PTPRM: variants seen among roughly 807,000 people sequenced by gnomAD.
The protein encoded by PTPRM is protein tyrosine phosphatase receptor type M, also known as receptor-type tyrosine-protein phosphatase mu.
Under a neutral mutation model 186.7 loss-of-function variants are expected in PTPRM, and 47 were observed. That is an observed-to-expected ratio of 0.25 (90% CI 0.20 to 0.32). The LOEUF is 0.32. PTPRM is among the 10% of genes least tolerant of loss of function. PTPRM has a pLI of 1.00. For synonymous variants in PTPRM, 668 were observed against 674.9 expected, an observed-to-expected ratio of 0.99 and a Z score of 0.16; for missense variants, 1,494 against 1,865.0, an observed-to-expected ratio of 0.80 and a Z score of 3.66.
intron 7 of PTPRM, among the ~76,000 whole-genome samples, chr18:7,987,341 A>C (rs1434848328): frequency 6.6e-6 from 1 of 152,228 alleles, no homozygotes; most frequent in Non-Finnish European, 1.5e-5. Flanking sequence ...AAGCTGGCTA[A>C]GCCACCAGTA....
At chr18:8,093,301 T>C (rs771434585) in intron 11 of PTPRM, among the ~76,000 whole-genome samples, 3 of 152,108 alleles carry the variant, frequency 2.0e-5, no homozygotes, top group Admixed American at 1.3e-4. Flanking sequence ...AATGAGGTGA[T>C]ATTATTTAAC....
rs577418672 is a variant in PTPRM at position 8,151,792 on chromosome 18, G to T, written c.2300+8013G>T. Reference sequence around the variant, plus strand: ...ACCCGGGGCCCTGGTGGGGTTAGGCGCCAGAGGGGATCCCCTGGTCTGTGG... The same window carrying T: ...ACCCGGGGCCCTGGTGGGGTTAGGCTCCAGAGGGGATCCCCTGGTCTGTGG... On this transcript the variant is annotated intron_variant, in intron 14 of 32. Transcript: ENST00000580170. Among the ~76,000 whole-genome samples the T allele has an allele frequency of 3.3e-4, 50 of 151,968 alleles. 1 individual carries two copies. The South Asian group carries it at 8.8e-3, about 27-fold the overall frequency.
chr18:7,860,099 G>A (rs2047292801), intron 2 of PTPRM, among the ~76,000 whole-genome samples: 1 of 151,310 alleles, frequency 6.6e-6, no homozygotes, highest in Non-Finnish European at 1.5e-5. Context: ...TTGAGACAGA[G>A]TCTCGCTGTG....
chr18:8,152,842 C>T (rs2146253369), intron 14 of PTPRM, among the ~76,000 whole-genome samples: 1 of 151,396 alleles, frequency 6.6e-6, no homozygotes, highest in East Asian at 2.0e-4. Context: ...CTCAGCCTCC[C>T]AAGTAGCTGG....
intron 2 of PTPRM, among the ~76,000 whole-genome samples, chr18:7,855,935 G>T (rs2047073307): frequency 6.6e-6 from 1 of 152,138 alleles, no homozygotes; most frequent in Admixed American, 6.6e-5. Context: ...AAAGCAGAAG[G>T]TGCCTGGGAA....
chr18:7,582,905 TA>T (rs1238433840), intron 1 of PTPRM, among the ~76,000 whole-genome samples: 1 of 152,224 alleles, frequency 6.6e-6, no homozygotes, highest in African/African-American at 2.4e-5. Flanking sequence ...ATAGCCTCAT[TA>T]AACTTGAGTT....
intron 1 of PTPRM, among the ~76,000 whole-genome samples, chr18:7,705,450 T>G (rs1406218518): frequency 6.6e-6 from 1 of 152,078 alleles, no homozygotes; most frequent in Non-Finnish European, 1.5e-5. Context: ...TAATATTGTA[T>G]AGTTTTAAAA....
At chr18:8,234,620 T>C (rs533784993) in intron 14 of PTPRM, among the ~76,000 whole-genome samples, 2 of 152,320 alleles carry the variant, frequency 1.3e-5, no homozygotes, top group African/African-American at 4.8e-5. Context: ...CAAGAGGATA[T>C]TGAAAAGTAT....
At chr18:7,652,267 G>A (rs1010860873) in intron 1 of PTPRM, among the ~76,000 whole-genome samples, 7 of 152,288 alleles carry the variant, frequency 4.6e-5, no homozygotes, top group African/African-American at 1.7e-4. Flanking sequence ...GTGCTGGAGA[G>A]GATGTAGAGA....
chr18:7,853,712 T>C (rs554115125), intron 2 of PTPRM, among the ~76,000 whole-genome samples: 56 of 152,048 alleles, frequency 3.7e-4, no homozygotes, highest in South Asian at 2.5e-3. Context: ...GGGAATAGAA[T>C]GTGAACACAA....
At chr18:7,881,561 G>A (rs1000941767) in intron 2 of PTPRM, among the ~76,000 whole-genome samples, 1 of 152,142 alleles carries the variant, frequency 6.6e-6, no homozygotes, top group Non-Finnish European at 1.5e-5. Flanking sequence ...ATTCCCCTTG[G>A]CCCTATCCGA....
In PTPRM at chr18:8,387,044, T is replaced by TC. The variant is rs781495939; in HGVS notation, c.4045-24dup. On this transcript the variant is annotated intron_variant, in intron 30 of 32. Coordinates refer to ENST00000580170, the MANE Select transcript of PTPRM (RefSeq NM_001105244.2). Reference sequence around the variant, plus strand: ...TAAATAATGCCTGTTTTCTTTCCACTCCCCGATTGTTGCCTTGTTCTTCGT... The same window carrying TC: ...TAAATAATGCCTGTTTTCTTTCCACTCCCCCGATTGTTGCCTTGTTCTTCGT... 1.9e-6 allele frequency: 3 copies of TC among 1,557,118 alleles called. 1 individual carries two copies. The South Asian group carries it at 3.4e-5, about 17-fold the overall frequency.
intron 20 of PTPRM, among the ~76,000 whole-genome samples, chr18:8,303,600 G>T (rs1408082515): frequency 1.3e-5 from 2 of 152,122 alleles, no homozygotes; most frequent in African/African-American, 4.8e-5. Flanking sequence ...TGTTTAGGAA[G>T]GCATAGGGTA....
At chr18:7,624,321 A>C (rs1229566939) in intron 1 of PTPRM, among the ~76,000 whole-genome samples, 1 of 152,120 alleles carries the variant, frequency 6.6e-6, no homozygotes, top group Admixed American at 6.6e-5. Context: ...GTCAGAGTAC[A>C]TCCTTAAAGG....
At chr18:8,203,409 G>A (rs1007893616) in intron 14 of PTPRM, among the ~76,000 whole-genome samples, 4 of 152,092 alleles carry the variant, frequency 2.6e-5, no homozygotes, top group Non-Finnish European at 4.4e-5. Context: ...TAAAAAGGTT[G>A]GTGTCATTAA....
At chr18:7,855,400 G>T (rs1278150232) in intron 2 of PTPRM, among the ~76,000 whole-genome samples, 1 of 152,178 alleles carries the variant, frequency 6.6e-6, no homozygotes, top group Non-Finnish European at 1.5e-5. Flanking sequence ...TATCTGATGG[G>T]ATTGTTCCCC....
chr18:8,109,996 A>G (rs2091688809), intron 11 of PTPRM, among the ~76,000 whole-genome samples: 1 of 152,226 alleles, frequency 6.6e-6, no homozygotes, highest in Non-Finnish European at 1.5e-5. Context: ...TTGGGTAATG[A>G]ATACAAAATA....
At chr18:7,851,790 A>C (rs186472651) in intron 2 of PTPRM, among the ~76,000 whole-genome samples, 1 of 152,312 alleles carries the variant, frequency 6.6e-6, no homozygotes, top group South Asian at 2.1e-4. Context: ...TGCTGGAGGT[A>C]AATCTGAATA....
intron 2 of PTPRM, among the ~76,000 whole-genome samples, chr18:7,828,556 T>C (rs16952566): frequency 0.035 from 5,346 of 152,236 alleles, 269 homozygotes; most frequent in African/African-American, 0.11. Context: ...CCGTATGTCC[T>C]GCCACTGCTG....
Sources: gnomAD v4.1 joint callset for allele counts (sites outside exome capture counted in the v4.1 genomes callset) on GRCh38, gnomAD v4.1.1 for gene constraint, MANE v1.5 for transcripts, NCBI Gene and HGNC (gene_info 2026-07-23, HGNC 2026-07-21) for gene names.